The following MSRA variants were observed in gnomAD, a reference collection of about 807,000 sequenced individuals.
MSRA encodes the protein methionine sulfoxide reductase A.
In MSRA, 54 loss-of-function variants were observed where a neutral mutation model predicts 31.3. The observed-to-expected ratio is 1.73, with a 90% CI of 1.39 to 2.17. MSRA has a LOEUF of 2.17. MSRA is among the 30% of genes most tolerant of loss of function. The pLI, the probability that MSRA is intolerant of heterozygous loss-of-function variation, is 0.00. For synonymous variants in MSRA, 169 were observed against 116.5 expected (o/e 1.45, Z -2.90); for missense variants, 507 against 300.9 (o/e 1.69, Z -5.07).
chr8:10,105,598 A>G (rs1296921628), intron 1 of MSRA, among the ~76,000 whole-genome samples: 1 of 152,124 alleles, frequency 6.6e-6, no homozygotes, highest in Non-Finnish European at 1.5e-5. Flanking sequence ...TAGGAGTTCT[A>G]GGGCCCTTAG....
intron 1 of MSRA, among the ~76,000 whole-genome samples, chr8:10,167,055 C>A (rs555092205): frequency 6.6e-6 from 1 of 152,300 alleles, no homozygotes; most frequent in African/African-American, 2.4e-5. Flanking sequence ...TATCTTGGCG[C>A]TGGGCTAATG....
At chr8:10,073,012 T>G (rs1181929748) in intron 1 of MSRA, among the ~76,000 whole-genome samples, 1 of 152,210 alleles carries the variant, frequency 6.6e-6, no homozygotes, top group Non-Finnish European at 1.5e-5. Context: ...TTTCAGATAT[T>G]CTACATAGAT....
intron 2 of MSRA, among the ~76,000 whole-genome samples, chr8:10,227,564 G>T (rs542374984): frequency 6.6e-6 from 1 of 152,182 alleles, no homozygotes; most frequent in Non-Finnish European, 1.5e-5. Context: ...GTACTCTTCA[G>T]AGAATATTCC....
chr8:10,236,454 C>G (rs891977707), intron 2 of MSRA, among the ~76,000 whole-genome samples: 1 of 152,190 alleles, frequency 6.6e-6, no homozygotes, highest in African/African-American at 2.4e-5. Context: ...TACACCAGCA[C>G]TAAGTAATCA....
chr8:10,089,356 T>A (rs1249203532), intron 1 of MSRA, among the ~76,000 whole-genome samples: 2 of 152,266 alleles, frequency 1.3e-5, no homozygotes. Context: ...CCTTTTTGTG[T>A]TCATTTTCAC....
At chr8:10,107,849 C>T (rs1163662081) in intron 1 of MSRA, among the ~76,000 whole-genome samples, 2 of 152,120 alleles carry the variant, frequency 1.3e-5, no homozygotes, top group African/African-American at 4.8e-5. Flanking sequence ...CCTAAATTAT[C>T]CCCGGATATT....
At chr8:10,290,745 T>C (rs1163852729) in intron 3 of MSRA, among the ~76,000 whole-genome samples, 1 of 152,230 alleles carries the variant, frequency 6.6e-6, no homozygotes, top group East Asian at 1.9e-4. Flanking sequence ...CTTGGTGGTA[T>C]AATTCAGTAG....
Position 10,358,927 on chromosome 8 carries a change from G to A in MSRA, c.543+38938G>A, listed in dbSNP as rs546354593. On this transcript the variant is annotated intron_variant, in intron 5 of 5. Transcript: ENST00000317173. ...GCAGGAACCCTATTGTGAACTGCAC[G>A]TGTGAGGGATCTAGGTTGTACACTC... Among the ~76,000 whole-genome samples the A allele has an allele frequency of 3.1e-3, 477 of 152,258 alleles. 4 individuals are homozygous for A. Among genetic ancestry groups the A allele is most frequent in the African/African-American group, 0.01 (431 of 41,552 alleles).
chr8:10,239,943 G>A (rs931572529), intron 2 of MSRA, among the ~76,000 whole-genome samples: 1 of 152,170 alleles, frequency 6.6e-6, no homozygotes. Flanking sequence ...GCTGTGCCTT[G>A]GGGCTATTCC....
intron 1 of MSRA, among the ~76,000 whole-genome samples, chr8:10,095,002 A>T (rs778038285): frequency 6.6e-6 from 1 of 152,210 alleles, no homozygotes; most frequent in Non-Finnish European, 1.5e-5. Flanking sequence ...AGCCTCCTTA[A>T]AAATAAAGTT....
At chr8:10,318,295 A>C (rs1801841562) in intron 4 of MSRA, among the ~76,000 whole-genome samples, 1 of 152,146 alleles carries the variant, frequency 6.6e-6, no homozygotes, top group Non-Finnish European at 1.5e-5. Flanking sequence ...TATCTTCTCC[A>C]CAGGGCTCAT....
intron 5 of MSRA, among the ~76,000 whole-genome samples, chr8:10,424,467 G>GTGGAGTGGGACGGGAAGAAGGACTCGGGA: frequency 6.7e-6 from 1 of 150,228 alleles, no homozygotes; most frequent in African/African-American, 2.5e-5. Flanking sequence ...AAGGCCCGGG[G>GTGGAGTGGGACGGGAAGAAGGACTCGGGA]TGGAGTGGGA....
chr8:10,131,945 C>G (rs977958529), intron 1 of MSRA, among the ~76,000 whole-genome samples: 2 of 152,120 alleles, frequency 1.3e-5, no homozygotes, highest in Non-Finnish European at 2.9e-5. Context: ...AAACAAATGA[C>G]TGAAGAAGAA....
chr8:10,418,670 T>C (rs1326728454), intron 5 of MSRA, among the ~76,000 whole-genome samples: 1 of 151,930 alleles, frequency 6.6e-6, no homozygotes. Context: ...AGTAATACTT[T>C]TTTCTAAAAA....
intron 1 of MSRA, among the ~76,000 whole-genome samples, chr8:10,061,456 G>A (rs1163830184): frequency 4.6e-5 from 7 of 152,096 alleles, no homozygotes; most frequent in African/African-American, 1.7e-4. Context: ...TGGACAAATA[G>A]CTATGTACTA....
At chr8:10,271,954 C>T (rs1397117690) in intron 3 of MSRA, among the ~76,000 whole-genome samples, 8 of 152,144 alleles carry the variant, frequency 5.3e-5, no homozygotes. Flanking sequence ...GTGACCCGCA[C>T]ACCTCGACCT....
At chr8:10,384,210 G>C (rs906533394) in intron 5 of MSRA, among the ~76,000 whole-genome samples, 1 of 152,110 alleles carries the variant, frequency 6.6e-6, no homozygotes, top group Non-Finnish European at 1.5e-5. Context: ...CCTTAGAGAT[G>C]GGGAGAAATA....
intron 3 of MSRA, among the ~76,000 whole-genome samples, chr8:10,265,151 G>A (rs1011550502): frequency 3.9e-5 from 6 of 152,174 alleles, no homozygotes; most frequent in Non-Finnish European, 5.9e-5. Flanking sequence ...TCCTGGAAGA[G>A]GCCAGTCCAT....
At chr8:10,404,499 G>C (rs538940276) in intron 5 of MSRA, among the ~76,000 whole-genome samples, 1 of 152,202 alleles carries the variant, frequency 6.6e-6, no homozygotes, top group Admixed American at 6.5e-5. Flanking sequence ...GCATTCCTGC[G>C]GGGTGGCCCT....
Sources: allele counts gnomAD v4.1 joint callset (sites outside exome capture counted in the v4.1 genomes callset), GRCh38; gene constraint gnomAD v4.1.1; transcripts MANE v1.5; gene names NCBI Gene and HGNC (gene_info 2026-07-23, HGNC 2026-07-21).